Variants in SORCS2 observed in about 807,000 individuals in gnomAD.
The protein encoded by SORCS2 is sortilin related VPS10 domain containing receptor 2.
Under a neutral mutation model 141.6 loss-of-function variants are expected in SORCS2, and 100 were observed. That is an observed-to-expected ratio of 0.71 (90% CI 0.60 to 0.83). The LOEUF is 0.83. SORCS2 is among the 40% of genes least tolerant of loss of function. The pLI is 0.00. For synonymous variants in SORCS2, 789 were observed against 676.9 expected (o/e 1.17, Z -2.57); for missense variants, 1,646 against 1,560.2 (o/e 1.05, Z -0.93).
At chr4:7,713,051 C>T (rs1370893170) in intron 15 of SORCS2, among the ~76,000 whole-genome samples, 198 bp downstream of exon 15, 1 of 152,140 alleles carries the variant, frequency 6.6e-6, no homozygotes, top group African/African-American at 2.4e-5. Context: ...ATGGAGCTAC[C>T]TGGGCTGAGG....
At chr4:7,218,391 C>G (rs888492044) in intron 1 of SORCS2, among the ~76,000 whole-genome samples, 1 of 152,136 alleles carries the variant, frequency 6.6e-6, no homozygotes, top group Non-Finnish European at 1.5e-5. Context: ...TGGCAGAGAC[C>G]AAACTGTTAA....
At chr4:7,327,746 T>C (rs1039477431) in intron 1 of SORCS2, among the ~76,000 whole-genome samples, 3 of 152,230 alleles carry the variant, frequency 2.0e-5, no homozygotes, top group African/African-American at 7.2e-5. Context: ...TCTCTGTGGC[T>C]TCCCCAAGAA....
chr4:7,526,427 C>A (rs967758279), intron 2 of SORCS2, among the ~76,000 whole-genome samples: 1 of 152,176 alleles, frequency 6.6e-6, no homozygotes, highest in African/African-American at 2.4e-5. Context: ...AGGCTGTGAA[C>A]TCTAGGATTC....
At chr4:7,556,584 G>A (rs1299183501) in intron 3 of SORCS2, among the ~76,000 whole-genome samples, 1 of 152,136 alleles carries the variant, frequency 6.6e-6, no homozygotes, top group East Asian at 1.9e-4. Context: ...TTTCATAAGA[G>A]TATATGTATG....
At chr4:7,270,148 T>C (rs1715019127) in intron 1 of SORCS2, among the ~76,000 whole-genome samples, 2 of 152,270 alleles carry the variant, frequency 1.3e-5, no homozygotes, top group Admixed American at 1.3e-4. Context: ...CCCAAAGTGC[T>C]GGGATCACAG....
At position 7,260,084 on chromosome 4, in the gene SORCS2, G is replaced by A. The variant is rs1714214637; in HGVS notation, c.480+66958G>A. 2.0e-5 allele frequency among the ~76,000 whole-genome samples: 3 copies of A among 152,138 alleles called. 1 individual carries two copies. The South Asian group carries it at 6.2e-4, about 32-fold the overall frequency. The stretch of plus-strand genomic sequence containing the variant: ...CCCAGGCTTGGGTTGGAGAAAGGCA[G>A]AATAGAGACACCTTCTCCCCTTTTC... On this transcript the variant is annotated intron_variant, in intron 1 of 26. Transcript: ENST00000507866.
intron 11 of SORCS2, among the ~76,000 whole-genome samples, chr4:7,690,795 G>T (rs985936119): frequency 6.6e-6 from 1 of 152,148 alleles, no homozygotes; most frequent in Admixed American, 6.5e-5. Flanking sequence ...CTAGTTTAGT[G>T]GGGGGAGAAA....
intron 4 of SORCS2, among the ~76,000 whole-genome samples, chr4:7,650,454 T>A (rs1422332790): frequency 6.6e-6 from 1 of 152,156 alleles, no homozygotes; most frequent in Non-Finnish European, 1.5e-5. Flanking sequence ...ATTCCCATTT[T>A]AAGAAGTGGT....
chr4:7,366,734 G>A (rs1026501581), intron 1 of SORCS2, among the ~76,000 whole-genome samples: 2 of 151,982 alleles, frequency 1.3e-5, no homozygotes, highest in African/African-American at 2.4e-5. Flanking sequence ...CAGATGGCCT[G>A]TGTGCTCACC....
intron 1 of SORCS2, among the ~76,000 whole-genome samples, chr4:7,270,933 G>A (rs147731898): frequency 1.9e-3 from 292 of 152,356 alleles, no homozygotes; most frequent in African/African-American, 6.6e-3. Flanking sequence ...TCGCTTGTTC[G>A]TTTGTTGGTT....
chr4:7,518,046 G>A (rs1454901288), intron 2 of SORCS2, among the ~76,000 whole-genome samples: 3 of 152,202 alleles, frequency 2.0e-5, no homozygotes, highest in Admixed American at 6.5e-5. Context: ...CTGAAATACT[G>A]CAAATATGCT....
chr4:7,718,360 G>C (rs1287482834), intron 18 of SORCS2, among the ~76,000 whole-genome samples, 177 bp downstream of exon 18: 1 of 152,162 alleles, frequency 6.6e-6, no homozygotes, highest in Non-Finnish European at 1.5e-5. Context: ...CGCTTCCCGA[G>C]TCGAGACCAG....
At chr4:7,496,451 GTTCCCC>G (rs1731627920) in intron 2 of SORCS2, among the ~76,000 whole-genome samples, 3 of 22,290 alleles carry the variant, frequency 1.3e-4, no homozygotes, top group Admixed American at 5.1e-4. Context: ...CTCCCCACCC[GTTCCCC>G]GTCCCCCGTC....
rs549423774 is a variant in SORCS2, at chr4:7,615,377, T to C, written c.649-22951T>C. On this transcript the variant is annotated intron_variant, in intron 3 of 26. Transcript: ENST00000507866. ...GGCTATGGAGTGAGGTGCCTTGGCC[T>C]GGAGAAAGGAAAATCTTTTTCCTGG... 1.3e-4 allele frequency among the ~76,000 whole-genome samples: 20 copies of C among 152,356 alleles called. No homozygotes were observed. In the South Asian group the frequency reaches 2.9e-3, roughly 22 times the overall value.
intron 4 of SORCS2, among the ~76,000 whole-genome samples, chr4:7,639,910 GGTGTGT>G (rs56651444): frequency 7.9e-6 from 1 of 126,416 alleles, no homozygotes; most frequent in Non-Finnish European, 1.7e-5. Context: ...TGTGTTTGTG[GGTGTGT>G]GTGTGTTTGT....
chr4:7,250,756 T>A (rs939716574), intron 1 of SORCS2, among the ~76,000 whole-genome samples: 1 of 152,240 alleles, frequency 6.6e-6, no homozygotes, highest in Non-Finnish European at 1.5e-5. Flanking sequence ...GCGGCTGCAG[T>A]TGGGGCTGCT....
chr4:7,737,054 G>C lies in SORCS2; in HGVS notation c.3312-15G>C, dbSNP rs1712238802. 1 of 1,550,676 alleles carries C rather than the reference G, an allele frequency of 6.4e-7. No homozygotes were observed. Among genetic ancestry groups the C allele is most frequent in the Non-Finnish European group, 8.7e-7 (1 of 1,146,836 alleles). ...AGCCCCTCCAAGCTGAGCCGCCCTT[G>C]CCTCTGTCCAGCAGGAAACGGCCAG... On this transcript the variant is annotated splice_polypyrimidine_tract_variant and intron_variant, in intron 25 of 26. Transcript: ENST00000507866.
chr4:7,466,504 C>G (rs1729625508), intron 2 of SORCS2, among the ~76,000 whole-genome samples: 1 of 152,178 alleles, frequency 6.6e-6, no homozygotes, highest in South Asian at 2.1e-4. Flanking sequence ...GTTCTGGAGA[C>G]TGTGTCATCT....
Position 7,726,660 on chromosome 4 carries a change from A to G in SORCS2, c.2746-120A>G, listed in dbSNP as rs1053463042. Reference sequence around the variant, plus strand: ...ACCACAGGATGTCCATAATGGGCCCATTTGCTGATGGGAACAAGGGGACAG... The same window carrying G: ...ACCACAGGATGTCCATAATGGGCCCGTTTGCTGATGGGAACAAGGGGACAG... On this transcript the variant is annotated intron_variant, in intron 20 of 26. Transcript: ENST00000507866. 2.7e-4 allele frequency: 370 copies of G among 1,365,102 alleles called. 1 individual carries two copies. Among genetic ancestry groups the G allele is most frequent in the Non-Finnish European group, 3.5e-4 (351 of 1,016,612 alleles). 84.6% of individuals were successfully genotyped at this position (1,365,102 alleles called of 1,614,324 possible). A position where few individuals can be genotyped will look rare whatever the true frequency, so the allele number is the denominator to read the frequency against.
Sources: allele counts gnomAD v4.1 joint callset (sites outside exome capture counted in the v4.1 genomes callset), GRCh38; gene constraint gnomAD v4.1.1; transcripts MANE v1.5; gene names NCBI Gene and HGNC (gene_info 2026-07-23, HGNC 2026-07-21).